GLIS3: variants seen among roughly 807,000 people sequenced by gnomAD.
GLIS3 encodes GLIS family zinc finger 3.
A neutral mutation model predicts 78.6 loss-of-function variants in GLIS3; 53 were observed. The observed-to-expected ratio is 0.67, with a 90% CI of 0.54 to 0.85. GLIS3 has a LOEUF of 0.85. GLIS3 is among the 40% of genes least tolerant of loss of function. The pLI is 0.00. For synonymous variants in GLIS3, 684 were observed against 509.9 expected, an observed-to-expected ratio of 1.34 and a Z score of -4.60; for missense variants, 1,703 against 1,231.1, an observed-to-expected ratio of 1.38 and a Z score of -5.74.
chr9:3,873,126 G>T (rs893844277), intron 8 of GLIS3, among the ~76,000 whole-genome samples: 1 of 152,134 alleles, frequency 6.6e-6, no homozygotes, highest in African/African-American at 2.4e-5. Flanking sequence ...CCCAGGACCA[G>T]ATAGATTCAC....
intron 8 of GLIS3, among the ~76,000 whole-genome samples, chr9:3,869,770 G>A (rs1165922473): frequency 6.6e-6 from 1 of 152,152 alleles, no homozygotes; most frequent in East Asian, 1.9e-4. Flanking sequence ...CAGTATGGAG[G>A]TCACCAGGAA....
intron 1 of GLIS3, among the ~76,000 whole-genome samples, chr9:4,347,652 C>G (rs1817912678): frequency 6.6e-6 from 1 of 152,144 alleles, no homozygotes; most frequent in Non-Finnish European, 1.5e-5. Context: ...TTCAAATAAT[C>G]CAGAGTGAAC....
intron 2 of GLIS3, among the ~76,000 whole-genome samples, chr9:4,245,371 G>A (rs946525863): frequency 2.6e-5 from 4 of 152,116 alleles, no homozygotes. Flanking sequence ...ACCCAAATTC[G>A]GGTGCGAACT....
chr9:4,257,992 A>G (rs1010101847), intron 2 of GLIS3, among the ~76,000 whole-genome samples: 2 of 152,190 alleles, frequency 1.3e-5, no homozygotes, highest in Admixed American at 6.5e-5. Context: ...TACCAAGCTA[A>G]TATTATATAA....
chr9:3,852,155 A>G (rs1354796623), intron 9 of GLIS3, among the ~76,000 whole-genome samples: 5 of 152,132 alleles, frequency 3.3e-5, no homozygotes, highest in East Asian at 1.9e-4. Context: ...AAAAGAAAAA[A>G]AAAAAAAGAA....
chr9:4,382,201 T>G, the GLIS3 span, among the ~76,000 whole-genome samples: 1 of 152,348 alleles, frequency 6.6e-6, no homozygotes, highest in East Asian at 1.9e-4. Flanking sequence ...TCTGGCCAGA[T>G]GCTGAATGAC....
intron 4 of GLIS3, among the ~76,000 whole-genome samples, chr9:3,991,761 G>A (rs1029661160): frequency 4.2e-5 from 6 of 144,038 alleles, no homozygotes; most frequent in East Asian, 2.1e-4. Flanking sequence ...TGGGATCTCG[G>A]CTCACTGCAA....
intron 8 of GLIS3, among the ~76,000 whole-genome samples, chr9:3,873,648 C>G (rs73640779): frequency 6.6e-6 from 1 of 150,932 alleles, no homozygotes; most frequent in Non-Finnish European, 1.5e-5. Flanking sequence ...TAAATTTGCA[C>G]AAAAATAAAA....
the GLIS3 span, among the ~76,000 whole-genome samples, chr9:4,430,511 T>C: frequency 6.6e-6 from 1 of 152,210 alleles, no homozygotes; most frequent in Non-Finnish European, 1.5e-5. Context: ...TAAATAATCT[T>C]AGCAATAGTT....
intron 8 of GLIS3, among the ~76,000 whole-genome samples, chr9:3,859,939 AAAAAAG>A (rs1234816587): frequency 6.6e-6 from 1 of 152,170 alleles, no homozygotes; most frequent in African/African-American, 2.4e-5. Flanking sequence ...ATGCAAAAGA[AAAAAAG>A]AAAGGGAAGG....
the GLIS3 span, among the ~76,000 whole-genome samples, chr9:4,439,402 C>G: frequency 1.3e-5 from 2 of 152,126 alleles, no homozygotes; most frequent in African/African-American, 4.8e-5. Flanking sequence ...GCAGTAATTT[C>G]CCCATTTCTC....
the GLIS3 span, among the ~76,000 whole-genome samples, chr9:4,465,795 T>A: frequency 6.6e-6 from 1 of 152,214 alleles, no homozygotes. Flanking sequence ...TTTCTGCCTC[T>A]GGCTCTAACT....
intron 8 of GLIS3, among the ~76,000 whole-genome samples, chr9:3,863,480 G>A (rs1820367944): frequency 6.6e-6 from 1 of 152,226 alleles, no homozygotes; most frequent in Non-Finnish European, 1.5e-5. Flanking sequence ...TGAGGACTCT[G>A]TCCCCAAATA....
chr9:4,123,454 G>T (rs538386938), intron 3 of GLIS3, among the ~76,000 whole-genome samples: 1 of 152,064 alleles, frequency 6.6e-6, no homozygotes, highest in East Asian at 1.9e-4. Flanking sequence ...AACAAAAGAT[G>T]TACAGAGCTG....
At chr9:4,362,592 T>A in the GLIS3 span, among the ~76,000 whole-genome samples, 4 of 152,222 alleles carry the variant, frequency 2.6e-5, no homozygotes, top group Admixed American at 2.6e-4. Context: ...TGGTCATGTG[T>A]TTGCTGCCTT....
intron 2 of GLIS3, among the ~76,000 whole-genome samples, chr9:4,142,677 C>A (rs146013180): frequency 1.4e-4 from 22 of 152,252 alleles, no homozygotes; most frequent in Non-Finnish European, 1.6e-4. Flanking sequence ...CAAAAGTCAT[C>A]GGGTAATATT....
At chr9:4,369,174 G>C in the GLIS3 span, among the ~76,000 whole-genome samples, 1 of 151,974 alleles carries the variant, frequency 6.6e-6, no homozygotes, top group African/African-American at 2.4e-5. Flanking sequence ...CAGACCTTGA[G>C]GTCCTCCCAT....
chr9:4,401,975 T>G, the GLIS3 span, among the ~76,000 whole-genome samples: 1 of 152,066 alleles, frequency 6.6e-6, no homozygotes, highest in African/African-American at 2.4e-5. Context: ...TATAGTAGAA[T>G]AGAACAACAG....
chr9:4,412,491 T>C, the GLIS3 span, among the ~76,000 whole-genome samples: 1 of 152,172 alleles, frequency 6.6e-6, no homozygotes, highest in Admixed American at 6.5e-5. Flanking sequence ...TAAGAATGGA[T>C]ATCACCCTTG....
Sources: allele counts gnomAD v4.1 joint callset (sites outside exome capture counted in the v4.1 genomes callset), GRCh38; gene constraint gnomAD v4.1.1; transcripts MANE v1.5; gene names NCBI Gene and HGNC (gene_info 2026-07-23, HGNC 2026-07-21).